IMMP2L: variants seen among roughly 807,000 people sequenced by gnomAD.
The protein encoded by IMMP2L is mitochondrial inner membrane protease subunit 2.
In IMMP2L, 18 loss-of-function variants were observed where a neutral mutation model predicts 19.3. That is an observed-to-expected ratio of 0.93 (90% CI 0.64 to 1.38). IMMP2L has a LOEUF of 1.38. IMMP2L is among the 40% of genes most tolerant of loss of function. The pLI is 0.00. For missense variants in IMMP2L, 233 were observed against 218.2 expected, an observed-to-expected ratio of 1.07 and a Z score of -0.43; for synonymous variants, 76 against 73.0, an observed-to-expected ratio of 1.04 and a Z score of -0.21.
chr7:111,444,541 G>C (rs1238314646), intron 3 of IMMP2L, among the ~76,000 whole-genome samples: 1 of 152,154 alleles, frequency 6.6e-6, no homozygotes, highest in Admixed American at 6.5e-5. Context: ...GCATTGTTAA[G>C]TGCCTGCAAA....
intron 4 of IMMP2L, chr7:110,962,773 T>G: frequency 3.5e-6 from 4 of 1,137,164 alleles, no homozygotes; most frequent in Non-Finnish European, 4.3e-6. Context: ...ATACAAATAC[T>G]TTAGGATCAA....
chr7:110,737,469 C>T (rs1186351178), intron 5 of IMMP2L, among the ~76,000 whole-genome samples: 1 of 152,182 alleles, frequency 6.6e-6, no homozygotes, highest in Non-Finnish European at 1.5e-5. Context: ...AATATAACTG[C>T]ATTGGACTGG....
chr7:110,735,783 G>A (rs1294700145), intron 5 of IMMP2L, among the ~76,000 whole-genome samples: 1 of 129,288 alleles, frequency 7.7e-6, no homozygotes, highest in Admixed American at 9.2e-5. Context: ...GCAGATGAAG[G>A]TTGCAATGAG....
intron 3 of IMMP2L, among the ~76,000 whole-genome samples, chr7:111,452,839 T>C (rs548245131): frequency 4.9e-4 from 75 of 152,282 alleles, no homozygotes; most frequent in African/African-American, 1.8e-3. Flanking sequence ...CTCTTTTCTA[T>C]AGTACTTATC....
chr7:111,171,227 G>T (rs1446727737), intron 3 of IMMP2L, among the ~76,000 whole-genome samples: 1 of 151,644 alleles, frequency 6.6e-6, no homozygotes, highest in Non-Finnish European at 1.5e-5. Context: ...CACAGAGAAA[G>T]AGGATATGTG....
chr7:110,781,855 T>C (rs566418106), intron 5 of IMMP2L, among the ~76,000 whole-genome samples: 1 of 152,102 alleles, frequency 6.6e-6, no homozygotes, highest in Admixed American at 6.6e-5. Context: ...TATAATTATA[T>C]GTCTAAGGTG....
intron 5 of IMMP2L, among the ~76,000 whole-genome samples, chr7:110,866,540 A>T (rs1385574150): frequency 6.6e-6 from 1 of 151,944 alleles, no homozygotes; most frequent in Admixed American, 6.6e-5. Context: ...ATCAGGGCCC[A>T]TCCTCCCCAC....
At chr7:110,715,075 C>T (rs1276128153) in intron 5 of IMMP2L, among the ~76,000 whole-genome samples, 1 of 152,078 alleles carries the variant, frequency 6.6e-6, no homozygotes, top group Non-Finnish European at 1.5e-5. Context: ...TCATATTTGT[C>T]TCTGAGGATG....
chr7:111,533,166 C>T (rs1847560659), intron 1 of IMMP2L, among the ~76,000 whole-genome samples: 1 of 152,100 alleles, frequency 6.6e-6, no homozygotes, highest in Admixed American at 6.5e-5. Flanking sequence ...GCAGATGGAG[C>T]ACAGCATTAC....
chr7:111,425,492 A>C (rs1384690491), intron 3 of IMMP2L, among the ~76,000 whole-genome samples: 2 of 151,074 alleles, frequency 1.3e-5, no homozygotes, highest in Non-Finnish European at 3.0e-5. Context: ...GGAAGTGCCT[A>C]TAGTTTACTT....
chr7:111,083,287 A>T (rs1253702083), intron 3 of IMMP2L, among the ~76,000 whole-genome samples: 2 of 152,188 alleles, frequency 1.3e-5, no homozygotes, highest in Admixed American at 1.3e-4. Flanking sequence ...AATAATAAAA[A>T]ATTATCTCAG....
At chr7:111,159,940 C>T (rs1805069742) in intron 3 of IMMP2L, among the ~76,000 whole-genome samples, 1 of 152,052 alleles carries the variant, frequency 6.6e-6, no homozygotes, top group East Asian at 1.9e-4. Context: ...TCAATTCAGA[C>T]TAGCTGCATT....
At chr7:111,004,402 T>G (rs1824070769) in intron 3 of IMMP2L, among the ~76,000 whole-genome samples, 1 of 152,162 alleles carries the variant, frequency 6.6e-6, no homozygotes, top group Non-Finnish European at 1.5e-5. Flanking sequence ...TGGACTCAAA[T>G]GATCCTTCTG....
chr7:110,865,470 T>G (rs1007700995), intron 5 of IMMP2L, among the ~76,000 whole-genome samples: 4 of 152,094 alleles, frequency 2.6e-5, no homozygotes, highest in African/African-American at 9.7e-5. Flanking sequence ...TATAAAACAT[T>G]GTTTGAAGCT....
At chr7:111,498,450 A>C (rs1362546857) in intron 2 of IMMP2L, among the ~76,000 whole-genome samples, 1 of 152,114 alleles carries the variant, frequency 6.6e-6, no homozygotes, top group African/African-American at 2.4e-5. Context: ...TAACTTCCTC[A>C]TAAAACTGAA....
chr7:110,674,041 G>C (rs774564991), intron 5 of IMMP2L, among the ~76,000 whole-genome samples: 1 of 152,162 alleles, frequency 6.6e-6, no homozygotes, highest in Non-Finnish European at 1.5e-5. Context: ...TTCTCATGCT[G>C]CTAATAAAGA....
rs564975199 is a variant in IMMP2L, at chr7:111,471,462, C to G, written c.239+15776G>C. Among the ~76,000 whole-genome samples, 190 of 152,114 alleles carry G rather than the reference C, an allele frequency of 1.2e-3. 3 individuals carry two copies. In the South Asian group the frequency reaches 0.018, roughly 14 times the overall value. ...AAGGTCCAATACAGTAGCCAAAAGC[C>G]ACATGTGGTTACTGAACACTTGAAA... On this transcript the variant is annotated intron_variant, in intron 3 of 5. Transcript: ENST00000405709.
In IMMP2L at chr7:111,289,420, A is replaced by T. The variant is rs534413029; in HGVS notation, c.239+197818T>A. On this transcript the variant is annotated intron_variant, in intron 3 of 5. Transcript: ENST00000405709. ...GTACCCCAGAACTTAAAGTATAATT[A>T]AAAAAAAAAAAAGCCTGGAAAGACA... is the stretch of plus-strand genomic sequence containing the variant. Among the ~76,000 whole-genome samples the T allele has an allele frequency of 6.3e-5, 9 of 142,314 alleles. No individual in the cohort carries two copies. The East Asian group carries it at 8.1e-4, about 13-fold the overall frequency. The allele number at this position is 142,314 out of a possible 152,430, so 93.4% of individuals were successfully genotyped here.
rs78799739 is a variant in IMMP2L at position 111,544,011 on chromosome 7, G to A, written c.-3+17840C>T. ...GAAAAAGAGATCAAGGAAATAAAGCGACCAACATAATACCTGGCTGAAGGA... is the reference window on the plus strand; with the variant it reads ...GAAAAAGAGATCAAGGAAATAAAGCAACCAACATAATACCTGGCTGAAGGA... On this transcript the variant is annotated intron_variant, in intron 1 of 5. Transcript: ENST00000405709. Among the ~76,000 whole-genome samples, 146 of 152,144 alleles carry A rather than the reference G, an allele frequency of 9.6e-4. 1 individual carries two copies. The highest frequency in any genetic ancestry group is 6.8e-3 in the Middle Eastern group (2 of 294).
Sources: gnomAD v4.1 joint callset for allele counts (sites outside exome capture counted in the v4.1 genomes callset) on GRCh38, gnomAD v4.1.1 for gene constraint, MANE v1.5 for transcripts, NCBI Gene and HGNC (gene_info 2026-07-23, HGNC 2026-07-21) for gene names.